Variants in SERINC2 observed in about 807,000 individuals in gnomAD.
SERINC2 encodes serine incorporator 2.
In SERINC2, 56 loss-of-function variants were observed where a neutral mutation model predicts 54.2. The observed-to-expected ratio is 1.03, with a 90% CI of 0.83 to 1.29. The LOEUF is 1.29. Among genes scored for constraint, SERINC2 ranks in the 50% most tolerant of loss-of-function variants. The pLI, the probability that SERINC2 is intolerant of heterozygous loss-of-function variation, is 0.00. For synonymous variants in SERINC2, 272 were observed against 253.1 expected, an observed-to-expected ratio of 1.07 and a Z score of -0.71; for missense variants, 614 against 607.4, an observed-to-expected ratio of 1.01 and a Z score of -0.12.
In SERINC2 at chr1:31,431,777, A is replaced by ATAGGGTGGT. The variant is rs1557499685; in HGVS notation, c.1014-1182_1014-1181insTTAGGGTGG. Among the ~76,000 whole-genome samples the ATAGGGTGGT allele has an allele frequency of 6.2e-4, 59 of 95,656 alleles. 4 individuals carry two copies. The highest frequency in any genetic ancestry group is 1.4e-3 in the East Asian group (5 of 3,532). 62.8% of individuals were successfully genotyped at this position (95,656 alleles called of 152,430 possible). ...AGGGTGGAGAGGGTGGAGAGGGTGA[A>ATAGGGTGGT]TAGGGTGGATAGGGTGGATAGGGTG... On this transcript the variant is annotated intron_variant, in intron 8 of 9. Coordinates refer to ENST00000373709, the MANE Select transcript of SERINC2 (RefSeq NM_178865.5).
At chr1:31,409,866 G>A (rs1244647616), upstream of SERINC2, 4 of 1,552,044 alleles carry the variant, frequency 2.6e-6, no homozygotes, top group Admixed American at 7.9e-5. Flanking sequence ...AGAGGGGATG[G>A]GGAGAGAATG....
upstream of SERINC2, chr1:31,410,212 G>A: frequency 6.9e-7 from 1 of 1,441,496 alleles, no homozygotes; most frequent in Non-Finnish European, 9.1e-7. Context: ...TGCTTTTGGG[G>A]GTGCAAGAGA....
chr1:31,413,391 T>A lies in SERINC2; in HGVS notation c.39+87T>A. ...TTCTTCTGTTCTGCTCCGAGTAGTT[T>A]CTTCTTTTTCCTTCCTGCAAACTTG... On this transcript the variant is annotated intron_variant, in intron 1 of 9. Coordinates refer to ENST00000373709, the MANE Select transcript of SERINC2 (RefSeq NM_178865.5). The surrounding 1 kb of genome is among the most constrained non-coding windows in gnomAD (Gnocchi z 5.0). 1 of 741,042 alleles carries A rather than the reference T, an allele frequency of 1.3e-6. No individual in the cohort carries two copies. The highest frequency in any genetic ancestry group is 1.8e-6 in the Non-Finnish European group (1 of 545,270). The allele number at this position is 741,042 out of a possible 1,614,324, so 45.9% of individuals were successfully genotyped here. A position where few individuals can be genotyped will look rare whatever the true frequency, so the allele number is the denominator to read the frequency against.
rs918830709 is a variant in SERINC2 at position 31,433,943 on chromosome 1, G to C, written c.1233-121G>C. The C allele has an allele frequency of 4.2e-6, 4 of 963,294 alleles. No homozygotes were observed. In the Admixed American group the frequency reaches 8.8e-5, roughly 21 times the overall value. The allele number at this position is 963,294 out of a possible 1,614,324, so 59.7% of individuals were successfully genotyped here. A position where few individuals can be genotyped will look rare whatever the true frequency, so the allele number is the denominator to read the frequency against. ...GTGTTAAAAATGTCAGAGATGGACT[G>C]GAGTTACAGGGTAAGAGCCAGAGTT... On this transcript the variant is annotated intron_variant, in intron 9 of 9. Transcript: ENST00000373709.
upstream of SERINC2, among the ~76,000 whole-genome samples, chr1:31,410,821 T>C (rs540256624): frequency 3.3e-5 from 5 of 152,266 alleles, no homozygotes; most frequent in Admixed American, 2.0e-4. Context: ...TCTACTGTTC[T>C]AGGTCATGGA....
At chr1:31,432,176 GGGTGGATAGGGTGGTT>G in intron 8 of SERINC2, among the ~76,000 whole-genome samples, 1 of 149,878 alleles carries the variant, frequency 6.7e-6, no homozygotes, top group Non-Finnish European at 1.5e-5. Context: ...AGGGTGGATA[GGGTGGATAGGGTGGTT>G]AGAGTGGAGA....
At position 31,434,142 on chromosome 1, in the gene SERINC2, C is replaced by T. The variant is rs782054283; in HGVS notation, c.1311C>T (p.Leu437=). ...TCTGTGCCAGCTGGGCAGGGCTGCT[C>T]CTCTACCTGTGGACCCTGGTAGCCC... is the stretch of plus-strand genomic sequence containing the variant. ...VKICASWAGL[L]LYLWTLVAPL... Residue 437 remains leucine (L), a synonymous_variant, in exon 10 of 10, where the codon CTC becomes CTT. Coordinates refer to ENST00000373709, the MANE Select transcript of SERINC2 (RefSeq NM_178865.5). 3 of 1,613,932 alleles carry T rather than the reference C, an allele frequency of 1.9e-6. No homozygotes were observed. Among genetic ancestry groups the T allele is most frequent in the Non-Finnish European group, 2.5e-6 (3 of 1,179,952 alleles).
Position 31,433,133 on chromosome 1 carries a change from T to C in SERINC2, c.1180T>C (p.Cys394Arg). 1 of 1,613,794 alleles carries C rather than the reference T, an allele frequency of 6.2e-7. No homozygotes were observed. The highest frequency in any genetic ancestry group is 1.7e-4 in the Middle Eastern group (1 of 6,060). ...VTYSYSFFHF[C>R]LVLASLHVMM... ...CTACAGCTACTCCTTCTTCCACTTC[T>C]GCCTGGTGCTGGCCTCACTGCACGT... The change falls in exon 9 of 10, where the codon TGC becomes CGC. Residue 394 changes from cysteine (C) to arginine (R), a missense_variant. Coordinates refer to ENST00000373709, the MANE Select transcript of SERINC2 (RefSeq NM_178865.5).
chr1:31,429,362 G>A (rs782752359), intron 7 of SERINC2, 35 bp from the exon 8 acceptor site: 3 of 1,584,220 alleles, frequency 1.9e-6, no homozygotes, highest in Non-Finnish European at 1.7e-6. Context: ...GGCCTGGCCT[G>A]CATGGGCTGA....
chr1:31,421,217 A>G (rs1357288860), intron 1 of SERINC2, among the ~76,000 whole-genome samples: 1 of 152,182 alleles, frequency 6.6e-6, no homozygotes, highest in African/African-American at 2.4e-5. Context: ...CTAATTCCTG[A>G]TGATCAGAGG....
chr1:31,415,342 C>T (rs1640757096), intron 1 of SERINC2, among the ~76,000 whole-genome samples: 1 of 152,160 alleles, frequency 6.6e-6, no homozygotes, highest in Non-Finnish European at 1.5e-5. Flanking sequence ...GGGTTCTGGC[C>T]TCCGACATTT....
At chr1:31,412,606 C>T (rs1226627777), upstream of SERINC2, among the ~76,000 whole-genome samples, 1 of 152,174 alleles carries the variant, frequency 6.6e-6, no homozygotes, top group Non-Finnish European at 1.5e-5. Flanking sequence ...GAGGTCGAGG[C>T]TGCAGTGAGC....
chr1:31,433,822 G>A (rs1641391499), intron 9 of SERINC2, among the ~76,000 whole-genome samples: 1 of 152,172 alleles, frequency 6.6e-6, no homozygotes, highest in South Asian at 2.1e-4. Flanking sequence ...GGATCACAAG[G>A]TTGGAGACCA....
Position 31,434,270 on chromosome 1 carries a change from G to GC in SERINC2, c.*76dup. On this transcript the variant is annotated 3_prime_UTR_variant, in exon 10 of 10. Transcript: ENST00000373709. ...CTCTCGGCTCAGTGACAGCCAACCT[G>GC]CCCCCTCCCCACACCAATCAGCCAG... is the stretch of plus-strand genomic sequence containing the variant. 1 of 1,496,488 alleles carries GC rather than the reference G, an allele frequency of 6.7e-7. No individual in the cohort carries two copies. The highest frequency in any genetic ancestry group is 1.2e-5 in the South Asian group (1 of 82,146). 92.7% of individuals were successfully genotyped at this position (1,496,488 alleles called of 1,614,324 possible). A position where few individuals can be genotyped will look rare whatever the true frequency, so the allele number is the denominator to read the frequency against.
At chr1:31,432,894 G>T in intron 8 of SERINC2, 73 bp from the exon 9 acceptor site, 1 of 1,254,600 alleles carries the variant, frequency 8.0e-7, no homozygotes, top group South Asian at 1.3e-5. Context: ...CTGAGGCTCT[G>T]GGACCATTTG....
At chr1:31,414,859 C>A in intron 1 of SERINC2, 1 of 789,872 alleles carries the variant, frequency 1.3e-6, no homozygotes, top group Non-Finnish European at 1.5e-6. Flanking sequence ...CTTGGTCACC[C>A]CATCTGGCAG....
chr1:31,413,437 G>T lies in SERINC2; in HGVS notation c.39+133G>T. On this transcript the variant is annotated intron_variant, in intron 1 of 9. Transcript: ENST00000373709. This position sits in a 1 kb window ranked among gnomAD's most constrained non-coding sequence, Gnocchi z 5.0. Reference sequence around the variant, plus strand: ...ACTTGTCTTTCTGGGCCGGTGCCCCGCCTGCTCGCCCTCCTGGACCTTCAC... The same window carrying T: ...ACTTGTCTTTCTGGGCCGGTGCCCCTCCTGCTCGCCCTCCTGGACCTTCAC... The T allele has an allele frequency of 4.8e-6, 2 of 414,608 alleles. No individual in the cohort carries two copies. The highest frequency in any genetic ancestry group is 4.8e-5 in the East Asian group (1 of 20,926). 25.7% of individuals were successfully genotyped at this position (414,608 alleles called of 1,614,324 possible).
chr1:31,424,665 C>T lies in SERINC2; in HGVS notation c.202-18C>T, dbSNP rs1557493287. 1.6e-5 allele frequency: 25 copies of T among 1,572,960 alleles called. No individual in the cohort carries two copies. Among genetic ancestry groups the T allele is most frequent in the Non-Finnish European group, 2.0e-5 (23 of 1,158,680 alleles). On this transcript the variant is annotated intron_variant, in intron 2 of 9. Coordinates refer to ENST00000373709, the MANE Select transcript of SERINC2 (RefSeq NM_178865.5). ...TGTGAGAGGTGGGGCTTTGACGCTGCTCTGTCTGTCTCCACAGCTGCCCTG... is the reference window on the plus strand; with the variant it reads ...TGTGAGAGGTGGGGCTTTGACGCTGTTCTGTCTGTCTCCACAGCTGCCCTG...
chr1:31,428,732 A>T (rs1286901940), intron 6 of SERINC2, among the ~76,000 whole-genome samples: 1 of 152,002 alleles, frequency 6.6e-6, no homozygotes, highest in Non-Finnish European at 1.5e-5. Flanking sequence ...GTGTGATGAG[A>T]TGGGGTTTCA....
Sources: allele counts gnomAD v4.1 joint callset (sites outside exome capture counted in the v4.1 genomes callset), GRCh38; gene constraint gnomAD v4.1.1; non-coding constraint Gnocchi (gnomAD v3.1); transcripts MANE v1.5; gene names NCBI Gene and HGNC (gene_info 2026-07-23, HGNC 2026-07-21).